Variants in PCDHA8 observed in about 807,000 individuals in gnomAD.
PCDHA8 encodes the protein protocadherin alpha 8, also known as protocadherin alpha-8.
Under a neutral mutation model 61.8 loss-of-function variants are expected in PCDHA8, and 53 were observed. That is an observed-to-expected ratio of 0.86 (90% CI 0.69 to 1.08). The LOEUF (loss-of-function observed/expected upper bound fraction) is 1.08. Ranked by LOEUF, PCDHA8 falls within the 50% of genes least tolerant of loss-of-function variation. PCDHA8 has a pLI of 0.00. For missense variants in PCDHA8, 1,293 were observed against 1,245.0 expected (o/e 1.04, Z -0.58); for synonymous variants, 618 against 556.6 (o/e 1.11, Z -1.55).
chr5:140,941,239 C>CTTTCTTTCTTTCTTTA (rs2092937531), intron 1 of PCDHA8, among the ~76,000 whole-genome samples: 1 of 134,502 alleles, frequency 7.4e-6, no homozygotes, highest in African/African-American at 2.9e-5. Context: ...TTCTTTCTTT[C>CTTTCTTTCTTTCTTTA]TTTCTTTCTT....
chr5:140,950,086 T>G (rs1178086288), intron 1 of PCDHA8, among the ~76,000 whole-genome samples: 1 of 151,946 alleles, frequency 6.6e-6, no homozygotes, highest in Non-Finnish European at 1.5e-5. Flanking sequence ...TATGCTATAG[T>G]TTTCATTTGT....
rs572947059 is a variant in PCDHA8 at position 141,007,735 on chromosome 5, A to G, written c.2543-1892A>G. Reference sequence around the variant, plus strand: ...CCACCAGGGAGAACAAAGGTTAACCACTGAAGATAACTTTGGACTCTTATT... The same window carrying G: ...CCACCAGGGAGAACAAAGGTTAACCGCTGAAGATAACTTTGGACTCTTATT... On this transcript the variant is annotated intron_variant, in intron 3 of 3. Coordinates refer to ENST00000531613, the MANE Select transcript of PCDHA8 (RefSeq NM_018911.3). Among the ~76,000 whole-genome samples, 58 of 152,336 alleles carry G rather than the reference A, an allele frequency of 3.8e-4. 1 individual carries two copies. Among genetic ancestry groups the G allele is most frequent in the South Asian group, 2.9e-3 (14 of 4,824 alleles).
intron 1 of PCDHA8, among the ~76,000 whole-genome samples, chr5:140,895,738 C>A (rs1554186621): frequency 6.6e-6 from 1 of 152,108 alleles, no homozygotes; most frequent in Non-Finnish European, 1.5e-5. Context: ...CAATGGGCTG[C>A]AAAGGGCATG....
chr5:140,868,252 T>C (rs1186054905), intron 1 of PCDHA8: 1 of 152,134 alleles, frequency 6.6e-6, no homozygotes. Context: ...AGACTTTTCC[T>C]TTGTGGATTC....
intron 1 of PCDHA8, among the ~76,000 whole-genome samples, chr5:140,950,612 T>A (rs2094502401): frequency 6.6e-6 from 1 of 152,072 alleles, no homozygotes; most frequent in Non-Finnish European, 1.5e-5. Flanking sequence ...ATGATGTGCT[T>A]ATTTATGCTT....
At chr5:140,992,152 A>G (rs1440263664) in intron 3 of PCDHA8, among the ~76,000 whole-genome samples, 2 of 152,004 alleles carry the variant, frequency 1.3e-5, no homozygotes, top group Non-Finnish European at 2.9e-5. Context: ...ACTTTGCTCA[A>G]TCAAGAAGTG....
rs376607115 is a variant in PCDHA8 at position 141,006,474 on chromosome 5, A to G, written c.2543-3153A>G. Among the ~76,000 whole-genome samples, 193 of 152,188 alleles carry G rather than the reference A, an allele frequency of 1.3e-3. 1 individual carries two copies. The highest frequency in any genetic ancestry group is 4.5e-3 in the African/African-American group (185 of 41,520). ...GAGATCTGCCTGTCTCGGCCTCCCA[A>G]AGTGCTGGGATTACATGTGTGAGCC... On this transcript the variant is annotated intron_variant, in intron 3 of 3. Transcript: ENST00000531613.
intron 1 of PCDHA8, chr5:140,858,161 G>T: frequency 6.3e-7 from 1 of 1,597,836 alleles, no homozygotes; most frequent in Non-Finnish European, 8.6e-7. Flanking sequence ...CATCTGCGCG[G>T]TGTCCAGCTT....
intron 1 of PCDHA8, chr5:140,883,801 C>G: frequency 3.1e-6 from 5 of 1,612,430 alleles, no homozygotes; most frequent in Non-Finnish European, 4.2e-6. Flanking sequence ...TGTCGGTGCA[C>G]GCGGAGAGCG....
At chr5:140,977,591 A>T (rs1267599253) in intron 1 of PCDHA8, among the ~76,000 whole-genome samples, 2 of 152,164 alleles carry the variant, frequency 1.3e-5, no homozygotes, top group African/African-American at 4.8e-5. Context: ...AGCAGTTAGC[A>T]TGTGAGGACC....
In PCDHA8 at chr5:140,913,731, A is replaced by G. The variant is rs557158674; in HGVS notation, c.2395-65218A>G. ...CAATTACAGCTACAAATTTCCCTCT[A>G]ATAGTACTCCTTTTGTTGTATCTCA... On this transcript the variant is annotated intron_variant, in intron 1 of 3. Transcript: ENST00000531613. Among the ~76,000 whole-genome samples the G allele has an allele frequency of 1.8e-4, 27 of 152,194 alleles. No homozygotes were observed. The South Asian group carries it at 2.5e-3, about 14-fold the overall frequency.
Position 140,857,729 on chromosome 5 carries a change from G to T in PCDHA8, c.2394+14014G>T, listed in dbSNP as rs782508750. 3 of 1,597,292 alleles carry T rather than the reference G, an allele frequency of 1.9e-6. No homozygotes were observed. In the East Asian group the frequency reaches 6.7e-5, roughly 36 times the overall value. On this transcript the variant is annotated intron_variant, in intron 1 of 3. Coordinates refer to ENST00000531613, the MANE Select transcript of PCDHA8 (RefSeq NM_018911.3). ...GTTCGTGCTGGACGAGAACGACAACGCTCCCGCGCTGCTGGCGTCTCCCGC... is the reference window on the plus strand; with the variant it reads ...GTTCGTGCTGGACGAGAACGACAACTCTCCCGCGCTGCTGGCGTCTCCCGC...
intron 1 of PCDHA8, chr5:140,848,211 A>T: frequency 2.8e-6 from 1 of 353,668 alleles, no homozygotes; most frequent in Non-Finnish European, 5.1e-6. Flanking sequence ...TCATTACTTA[A>T]GAAAAAATTA....
At chr5:140,965,864 G>A (rs553582487) in intron 1 of PCDHA8, among the ~76,000 whole-genome samples, 1 of 152,254 alleles carries the variant, frequency 6.6e-6, no homozygotes, top group East Asian at 1.9e-4. Flanking sequence ...CTGAAAATAA[G>A]GGCCACTTGG....
intron 1 of PCDHA8, among the ~76,000 whole-genome samples, chr5:140,897,443 G>GT (rs1562897655): frequency 6.7e-6 from 1 of 149,986 alleles, no homozygotes; most frequent in Non-Finnish European, 1.5e-5. Flanking sequence ...GCAGTGTTTG[G>GT]TTTTTTGTCC....
intron 1 of PCDHA8, chr5:140,866,443 C>T (rs974368547): frequency 2.0e-5 from 3 of 151,700 alleles, no homozygotes; most frequent in Non-Finnish European, 2.9e-5. Flanking sequence ...CTTCTTCAGT[C>T]TTATTGTTGG....
intron 1 of PCDHA8, among the ~76,000 whole-genome samples, chr5:140,895,206 A>G (rs948962776): frequency 6.6e-6 from 1 of 151,808 alleles, no homozygotes; most frequent in Non-Finnish European, 1.5e-5. Flanking sequence ...ATTTGCTTTT[A>G]TTTCTAATAT....
At position 140,850,728 on chromosome 5, in the gene PCDHA8, G is replaced by T. The variant is rs2150496245; in HGVS notation, c.2394+7013G>T. The T allele has an allele frequency of 4.2e-5, 67 of 1,598,072 alleles. 6 individuals are homozygous for T. The highest frequency in any genetic ancestry group is 5.7e-5 in the Non-Finnish European group (66 of 1,167,642). On this transcript the variant is annotated intron_variant, in intron 1 of 3. Transcript: ENST00000531613. ...GCCGACGCTGGTGTGTTCTAGCGCGGTGGGGAGTTGGTCGTACTCGCAGCA... is the reference window on the plus strand; with the variant it reads ...GCCGACGCTGGTGTGTTCTAGCGCGTTGGGGAGTTGGTCGTACTCGCAGCA...
At chr5:140,969,957 G>A (rs1554232176) in intron 1 of PCDHA8, among the ~76,000 whole-genome samples, 1 of 152,178 alleles carries the variant, frequency 6.6e-6, no homozygotes, top group East Asian at 1.9e-4. Flanking sequence ...AGTTTGCTTT[G>A]GCTGTATGAT....
Sources: allele counts gnomAD v4.1 joint callset (sites outside exome capture counted in the v4.1 genomes callset), GRCh38; gene constraint gnomAD v4.1.1; transcripts MANE v1.5; gene names NCBI Gene and HGNC (gene_info 2026-07-23, HGNC 2026-07-21).